Variants in FASTKD5 observed in about 807,000 individuals in gnomAD.
FASTKD5 encodes FAST kinase domains 5.
In FASTKD5, 30 loss-of-function variants were observed where a neutral mutation model predicts 44.0. The observed-to-expected ratio is 0.68, with a 90% CI of 0.51 to 0.93. The LOEUF (loss-of-function observed/expected upper bound fraction) is 0.93, where lower values mean the gene tolerates loss of function less well. FASTKD5 is among the 40% of genes least tolerant of loss of function. The pLI is 0.00. For synonymous variants in FASTKD5, 335 were observed against 342.2 expected, an observed-to-expected ratio of 0.98 and a Z score of 0.23; for missense variants, 868 against 908.2, an observed-to-expected ratio of 0.96 and a Z score of 0.57.
Position 3,148,755 on chromosome 20 carries a change from C to G in FASTKD5, c.316G>C (p.Val106Leu). The change falls in exon 2 of 2, where the codon GTA becomes CTA. Residue 106 changes from valine to leucine, a missense_variant. By Grantham distance (32) the Val-to-Leu change is conservative (BLOSUM62 1). Coordinates refer to ENST00000380266, the MANE Select transcript of FASTKD5 (RefSeq NM_021826.5). The part of the protein sequence containing the change: ...PRATGVDEED[V>L]EVFDSFENMR... ...TTTTCAAAGGAATCAAACACTTCTACGTCCTCTTCATCAACTCCTGTGGCC... is the reference window on the plus strand; with the variant it reads ...TTTTCAAAGGAATCAAACACTTCTAGGTCCTCTTCATCAACTCCTGTGGCC... The G allele has an allele frequency of 6.2e-7, 1 of 1,614,210 alleles. No homozygotes were observed. Among genetic ancestry groups the G allele is most frequent in the Non-Finnish European group, 8.5e-7 (1 of 1,180,042 alleles).
In FASTKD5 at chr20:3,146,866, T is replaced by C. The variant is rs189185842; in HGVS notation, c.2205A>G (p.Leu735=). 1.4e-5 allele frequency: 22 copies of C among 1,614,230 alleles called. No individual in the cohort carries two copies. In the African/African-American group the frequency reaches 2.7e-4, roughly 20 times the overall value. The change falls in exon 2 of 2, where the codon TTA becomes TTG. Residue 735 remains leucine, a synonymous_variant. Coordinates refer to ENST00000380266, the MANE Select transcript of FASTKD5 (RefSeq NM_021826.5). ...GTAGTGGGAGCCATTCCCAGTAGGA[T>C]AACTCTACCACACGGTAGCCAAGCC... ...LARLGYRVVE[L]SYWEWLPLLK...
At position 3,148,878 on chromosome 20, in the gene FASTKD5, A is replaced by T; in HGVS notation, c.193T>A (p.Ser65Thr). ...KVKNICSTFSSRRILTTSSAH... is the reference protein window; with the variant it reads ...KVKNICSTFSTRRILTTSSAH... ...CTGCTGGTTGTCAGGATTCTCCGAG[A>T]AGAGAAGGTGCTACATATGTTCTTA... The change falls in exon 2 of 2, where the codon TCT becomes ACT. Residue 65 changes from serine (S) to threonine (T), a missense_variant. By Grantham distance (58) the Ser-to-Thr change is moderately conservative. Transcript: ENST00000380266. 2 of 1,614,170 alleles carry T rather than the reference A, an allele frequency of 1.2e-6. No individual in the cohort carries two copies. The highest frequency in any genetic ancestry group is 1.7e-6 in the Non-Finnish European group (2 of 1,180,028).
Position 3,149,176 on chromosome 20 carries a change from T to A in FASTKD5, c.-106A>T. On this transcript the variant is annotated 5_prime_UTR_variant, in exon 2 of 2. Coordinates refer to ENST00000380266, the MANE Select transcript of FASTKD5 (RefSeq NM_021826.5). The surrounding 1 kb of genome is among the most constrained non-coding windows in gnomAD (Gnocchi z 4.1). Reference sequence around the variant, plus strand: ...GCTTGATTAGAGCTGGACGGGGAGGTGTTCCACAAAAACTGCCTGGAAATC... The same window carrying A: ...GCTTGATTAGAGCTGGACGGGGAGGAGTTCCACAAAAACTGCCTGGAAATC... 1.5e-6 allele frequency: 2 copies of A among 1,298,900 alleles called. No homozygotes were observed. The highest frequency in any genetic ancestry group is 2.1e-6 in the Non-Finnish European group (2 of 950,512). The allele number at this position is 1,298,900 out of a possible 1,614,324, so 80.5% of individuals were successfully genotyped here.
At chr20:3,150,018 CAAAA>C (rs1358453716) in intron 1 of FASTKD5, among the ~76,000 whole-genome samples, 1 of 110,552 alleles carries the variant, frequency 9.0e-6, no homozygotes, top group Admixed American at 9.6e-5. Context: ...GACTCCATCT[CAAAA>C]AAAAAAAAAA....
In FASTKD5 at chr20:3,159,776, CGAA is replaced by C. The variant is rs1354553695; in HGVS notation, c.-204_-202del. 1.3e-5 allele frequency: 2 copies of C among 152,360 alleles called. No individual in the cohort carries two copies. The highest frequency in any genetic ancestry group is 3.8e-4 in the East Asian group (2 of 5,196). 9.4% of individuals were successfully genotyped at this position (152,360 alleles called of 1,614,324 possible). A position where few individuals can be genotyped will look rare whatever the true frequency, so the allele number is the denominator to read the frequency against. ...GCCGCCGCCACTCACCTGATCCTCCCGAAGGTGGGCGCCGCAACACCAAACCGG... is the reference window on the plus strand; with the variant it reads ...GCCGCCGCCACTCACCTGATCCTCCCGGTGGGCGCCGCAACACCAAACCGG... On this transcript the variant is annotated 5_prime_UTR_variant, in exon 1 of 2. Coordinates refer to ENST00000380266, the MANE Select transcript of FASTKD5 (RefSeq NM_021826.5).
chr20:3,148,042 C>T lies in FASTKD5; in HGVS notation c.1029G>A (p.Leu343=), dbSNP rs371577903. 6.2e-7 allele frequency: 1 copy of T among 1,614,134 alleles called. No individual in the cohort carries two copies. The highest frequency in any genetic ancestry group is 8.5e-7 in the Non-Finnish European group (1 of 1,180,034). ...TCAGATGCTGAATGTTAGCACAAGC[C>T]AAGTCTCCAATTTTCCGCATGACAA... ...SEFVMRKIGD[L]ACANIQHLSS... is the part of the protein sequence containing the mutation. Residue 343 remains leucine, a synonymous_variant, in exon 2 of 2, where the codon TTG becomes TTA. Coordinates refer to ENST00000380266, the MANE Select transcript of FASTKD5 (RefSeq NM_021826.5).
At position 3,147,513 on chromosome 20, in the gene FASTKD5, T is replaced by A. The variant is rs1272480943; in HGVS notation, c.1558A>T (p.Thr520Ser). 2 of 1,614,108 alleles carry A rather than the reference T, an allele frequency of 1.2e-6. No homozygotes were observed. Among genetic ancestry groups the A allele is most frequent in the Non-Finnish European group, 1.7e-6 (2 of 1,180,044 alleles). ...TAATCTGGACACTCAATGCCAACTG[T>A]ACCATCGAGGGTATATAGTTCCTTA... is the stretch of plus-strand genomic sequence containing the variant. ...LLKELYTLDG[T>S]VGIECPDYRG... Residue 520 changes from threonine to serine, a missense_variant, in exon 2 of 2, where the codon ACA (threonine) becomes TCA (serine). By Grantham distance (58) the Thr-to-Ser change is moderately conservative (BLOSUM62 1). Transcript: ENST00000380266.
chr20:3,154,928 C>T (rs1461765455), intron 1 of FASTKD5, among the ~76,000 whole-genome samples: 1 of 151,634 alleles, frequency 6.6e-6, no homozygotes, highest in African/African-American at 2.4e-5. Flanking sequence ...TGGCTCACAA[C>T]TGTAATCCCA....
At chr20:3,152,100 C>CAAAAA (rs60655157) in intron 1 of FASTKD5, among the ~76,000 whole-genome samples, 3 of 62,876 alleles carry the variant, frequency 4.8e-5, no homozygotes, top group Admixed American at 1.9e-4. Context: ...GACTCTGTCT[C>CAAAAA]AAAAAAAAAA....
chr20:3,148,581 C>T lies in FASTKD5; in HGVS notation c.490G>A (p.Val164Ile). The change falls in exon 2 of 2, where the codon GTT (valine) becomes ATT (isoleucine). Residue 164 changes from valine (V) to isoleucine (I), a missense_variant. Transcript: ENST00000380266. Reference sequence around the variant, plus strand: ...GAGCTCAGCTTACACAAATAATCAACAATGACTTGAGCCTGGAGATTATTT... The same window carrying T: ...GAGCTCAGCTTACACAAATAATCAATAATGACTTGAGCCTGGAGATTATTT... ...NQNNLQAQVI[V>I]DYLCKLSSLP... 1 of 1,614,172 alleles carries T rather than the reference C, an allele frequency of 6.2e-7. No individual in the cohort carries two copies. Among genetic ancestry groups the T allele is most frequent in the East Asian group, 2.2e-5 (1 of 44,892 alleles).
In FASTKD5 at chr20:3,148,936, T is replaced by G; in HGVS notation, c.135A>C (p.Glu45Asp). Residue 45 changes from glutamate to aspartate, a missense_variant, in exon 2 of 2, where the codon GAA becomes GAC. Physicochemically the swap from Glu to Asp is conservative, Grantham distance 45. Coordinates refer to ENST00000380266, the MANE Select transcript of FASTKD5 (RefSeq NM_021826.5). ...STQHGGQDPP[E>D]HISLCHSAKK... ...TGGCAGAATGGCAGAGGCTAATGTG[T>G]TCTGGAGGGTCCTGTCCCCCATGCT... The G allele has an allele frequency of 6.2e-7, 1 of 1,614,218 alleles. No individual in the cohort carries two copies. The highest frequency in any genetic ancestry group is 8.5e-7 in the Non-Finnish European group (1 of 1,180,028).
Position 3,148,476 on chromosome 20 carries a change from G to A in FASTKD5, c.595C>T (p.Gln199Ter), listed in dbSNP as rs1405711867. ...LLCQLSVKKIQLFDTQDLINV... is the reference protein window; with the variant it reads ...LLCQLSVKKI Reference sequence around the variant, plus strand: ...ATCAGATCTTGGGTATCAAAGAGCTGTATCTTCTTCACACTCAGCTGGCAG... The same window carrying A: ...ATCAGATCTTGGGTATCAAAGAGCTATATCTTCTTCACACTCAGCTGGCAG... The change falls in exon 2 of 2, where the codon CAG becomes TAG. Residue 199 changes from glutamine (Q) to a stop codon, truncating the protein, a stop_gained. Transcript: ENST00000380266. LOFTEE classifies it high-confidence loss of function. 3.1e-6 allele frequency: 5 copies of A among 1,614,020 alleles called. No individual in the cohort carries two copies. In the East Asian group the frequency reaches 8.9e-5, roughly 29 times the overall value.
chr20:3,156,184 T>C (rs574086880), intron 1 of FASTKD5, among the ~76,000 whole-genome samples: 1 of 151,350 alleles, frequency 6.6e-6, no homozygotes, highest in East Asian at 1.9e-4. Flanking sequence ...TTTTTTTTTT[T>C]TTTTTTTTTG....
chr20:3,157,706 A>C (rs1383266361), intron 1 of FASTKD5, among the ~76,000 whole-genome samples: 2 of 152,212 alleles, frequency 1.3e-5, no homozygotes, highest in Non-Finnish European at 2.9e-5. Context: ...GGAATTACAA[A>C]ATCCAGGCAG....
chr20:3,157,304 C>G (rs138332534), intron 1 of FASTKD5, among the ~76,000 whole-genome samples: 1 of 152,134 alleles, frequency 6.6e-6, no homozygotes, highest in African/African-American at 2.4e-5. Context: ...ACCAGTACTG[C>G]GAAGGTGAAG....
At chr20:3,156,024 GAC>G (rs1188293897) in intron 1 of FASTKD5, among the ~76,000 whole-genome samples, 1 of 152,196 alleles carries the variant, frequency 6.6e-6, no homozygotes, top group Non-Finnish European at 1.5e-5. Flanking sequence ...AGGGAGAAAA[GAC>G]ACTGCAAAGA....
chr20:3,158,266 T>G (rs1353405737), intron 1 of FASTKD5, among the ~76,000 whole-genome samples: 1 of 151,562 alleles, frequency 6.6e-6, no homozygotes. Context: ...CCACCGCACC[T>G]GACCTTAGAA....
At position 3,149,818 on chromosome 20, in the gene FASTKD5, G is replaced by C. The variant is rs2066606154; in HGVS notation, c.-190-558C>G. ...AGATCACTTGAGGTCAGGAGTTCAA[G>C]ACCAGCCTGGCCAACAAGGCGAAAT... On this transcript the variant is annotated intron_variant, in intron 1 of 1. Coordinates refer to ENST00000380266, the MANE Select transcript of FASTKD5 (RefSeq NM_021826.5). The surrounding 1 kb of genome is among the most constrained non-coding windows in gnomAD (Gnocchi z 4.1). Among the ~76,000 whole-genome samples the C allele has an allele frequency of 6.6e-6, 1 of 152,070 alleles. No individual in the cohort carries two copies. Among genetic ancestry groups the C allele is most frequent in the Non-Finnish European group, 1.5e-5 (1 of 68,020 alleles).
chr20:3,147,302 A>C lies in FASTKD5; in HGVS notation c.1769T>G (p.Leu590Ter). ...CAGGTTAACATCAAGCTGGACCTCTAAGTCAGAAGATCGGGTATGAGGCAA... is the reference window on the plus strand; with the variant it reads ...CAGGTTAACATCAAGCTGGACCTCTCAGTCAGAAGATCGGGTATGAGGCAA... Reference protein sequence around the residue: ...MILPHTRSSDLEVQLDVNLKP... With the variant: ...MILPHTRSSD The change falls in exon 2 of 2, where the codon TTA (leucine) becomes TGA (stop). Residue 590 changes from leucine (L) to a stop codon, truncating the protein, a stop_gained. Coordinates refer to ENST00000380266, the MANE Select transcript of FASTKD5 (RefSeq NM_021826.5). LOFTEE classifies it low-confidence loss of function (END_TRUNC). 6.2e-7 allele frequency: 1 copy of C among 1,614,220 alleles called. No individual in the cohort carries two copies. Among genetic ancestry groups the C allele is most frequent in the Non-Finnish European group, 8.5e-7 (1 of 1,180,036 alleles).
Sources: gnomAD v4.1 joint callset for allele counts (sites outside exome capture counted in the v4.1 genomes callset) on GRCh38, gnomAD v4.1.1 for gene constraint, Gnocchi (gnomAD v3.1) non-coding constraint, MANE v1.5 for transcripts, NCBI Gene and HGNC (gene_info 2026-07-23, HGNC 2026-07-21) for gene names.